The following IMMP2L variants were observed in gnomAD, a reference collection of about 807,000 sequenced individuals.
IMMP2L encodes the protein mitochondrial inner membrane protease subunit 2.
In IMMP2L, 18 loss-of-function variants were observed where a neutral mutation model predicts 19.3. That is an observed-to-expected ratio of 0.93 (90% CI 0.64 to 1.38). IMMP2L has a LOEUF of 1.38. Ranked by LOEUF, IMMP2L falls within the 40% of genes most tolerant of loss-of-function variation. The probability of loss-of-function intolerance (pLI) is 0.00; values close to 1 mark genes in which losing one functional copy is unlikely to be tolerated. For missense variants in IMMP2L, 233 were observed against 218.2 expected, an observed-to-expected ratio of 1.07 and a Z score of -0.43; for synonymous variants, 76 against 73.0, an observed-to-expected ratio of 1.04 and a Z score of -0.21.
At position 110,760,833 on chromosome 7, in the gene IMMP2L, A is replaced by G. The variant is rs1584747626; in HGVS notation, c.409-97112T>C. ...GTAGAACGCCAGATAGGATCATCAC[A>G]GTAGGCACCTCACAAAGGTCATGCA... On this transcript the variant is annotated intron_variant, in intron 5 of 5. Coordinates refer to ENST00000405709, the MANE Select transcript of IMMP2L (RefSeq NM_032549.4). The surrounding 1 kb of genome is among the most constrained non-coding windows in gnomAD (Gnocchi z 4.2). Among the ~76,000 whole-genome samples, 1 of 152,126 alleles carries G rather than the reference A, an allele frequency of 6.6e-6. No homozygotes were observed. The highest frequency in any genetic ancestry group is 1.9e-4 in the East Asian group (1 of 5,154).
At chr7:110,831,867 T>C (rs1803999089) in intron 5 of IMMP2L, among the ~76,000 whole-genome samples, 2 of 152,308 alleles carry the variant, frequency 1.3e-5, no homozygotes, top group South Asian at 4.1e-4. Flanking sequence ...AAACAAACAG[T>C]GCTCTCAGAC....
chr7:110,964,684 A>G (rs751632146), intron 3 of IMMP2L, among the ~76,000 whole-genome samples: 1 of 152,036 alleles, frequency 6.6e-6, no homozygotes, highest in Non-Finnish European at 1.5e-5. Context: ...TCAATAGTTT[A>G]TGGTAAAACT....
At chr7:111,089,353 G>C (rs753309852) in intron 3 of IMMP2L, among the ~76,000 whole-genome samples, 1 of 152,008 alleles carries the variant, frequency 6.6e-6, no homozygotes, top group Non-Finnish European at 1.5e-5. Context: ...CAATTATACA[G>C]TCAATACCAA....
intron 3 of IMMP2L, among the ~76,000 whole-genome samples, chr7:111,007,870 C>T (rs1186302268): frequency 6.6e-6 from 1 of 152,024 alleles, no homozygotes; most frequent in African/African-American, 2.4e-5. Context: ...AGCCTGATTC[C>T]CCGACTTTCT....
chr7:111,270,717 G>A (rs886360322), intron 3 of IMMP2L, among the ~76,000 whole-genome samples: 1 of 152,116 alleles, frequency 6.6e-6, no homozygotes, highest in Non-Finnish European at 1.5e-5. Flanking sequence ...AATAATTTAT[G>A]AACGGTACGT....
intron 5 of IMMP2L, among the ~76,000 whole-genome samples, chr7:110,670,294 C>A (rs1451743453): frequency 6.6e-6 from 1 of 152,174 alleles, no homozygotes; most frequent in Non-Finnish European, 1.5e-5. Context: ...TCTTGGACTT[C>A]TAGTTCCAGA....
chr7:110,694,849 C>CTATCTA (rs1174513345), intron 5 of IMMP2L, among the ~76,000 whole-genome samples: 6 of 152,018 alleles, frequency 3.9e-5, no homozygotes, highest in Non-Finnish European at 8.8e-5. Context: ...TGATATATAT[C>CTATCTA]TATCTATATC....
chr7:111,219,901 T>A (rs192173251), intron 3 of IMMP2L, among the ~76,000 whole-genome samples: 4 of 152,130 alleles, frequency 2.6e-5, no homozygotes, highest in African/African-American at 9.6e-5. Context: ...ATAGAATGAT[T>A]CAAGCAATGG....
chr7:111,085,890 A>G (rs1796279169), intron 3 of IMMP2L, among the ~76,000 whole-genome samples: 1 of 152,200 alleles, frequency 6.6e-6, no homozygotes, highest in South Asian at 2.1e-4. Context: ...GCAGGAACAG[A>G]AAACCAAATA....
At chr7:110,777,483 A>C (rs1394913966) in intron 5 of IMMP2L, among the ~76,000 whole-genome samples, 1 of 151,990 alleles carries the variant, frequency 6.6e-6, no homozygotes, top group Non-Finnish European at 1.5e-5. Flanking sequence ...TTGCTGTTCC[A>C]ATAAGACCCC....
At chr7:111,242,992 A>C (rs755852218) in intron 3 of IMMP2L, among the ~76,000 whole-genome samples, 1 of 152,134 alleles carries the variant, frequency 6.6e-6, no homozygotes, top group Non-Finnish European at 1.5e-5. Context: ...AGGAGATCTT[A>C]AAATATTTTT....
At chr7:110,961,289 A>G (rs1156892278) in intron 4 of IMMP2L, among the ~76,000 whole-genome samples, 1 of 151,906 alleles carries the variant, frequency 6.6e-6, no homozygotes, top group East Asian at 1.9e-4. Context: ...ACATAAAATG[A>G]TGTAGTATTT....
chr7:111,035,483 CAATA>C (rs1473547523), intron 3 of IMMP2L, among the ~76,000 whole-genome samples: 2 of 152,086 alleles, frequency 1.3e-5, no homozygotes, highest in Non-Finnish European at 2.9e-5. Flanking sequence ...AAGAATACTG[CAATA>C]AATAGTGATT....
intron 5 of IMMP2L, among the ~76,000 whole-genome samples, chr7:110,737,701 T>C (rs1457490872): frequency 1.3e-5 from 2 of 152,168 alleles, no homozygotes; most frequent in African/African-American, 4.8e-5. Flanking sequence ...GCATCCTCCA[T>C]ATAGGACCAC....
chr7:111,406,368 C>T (rs1833902087), intron 3 of IMMP2L, among the ~76,000 whole-genome samples: 1 of 152,088 alleles, frequency 6.6e-6, no homozygotes, highest in Admixed American at 6.6e-5. Context: ...CAAGTCACAA[C>T]CATTTTCACC....
At chr7:111,422,402 C>G (rs1835652957) in intron 3 of IMMP2L, among the ~76,000 whole-genome samples, 1 of 151,608 alleles carries the variant, frequency 6.6e-6, no homozygotes, top group Non-Finnish European at 1.5e-5. Context: ...TTTCATTGAG[C>G]AGTGGTTTGT....
At chr7:110,917,080 G>A (rs952786454) in intron 4 of IMMP2L, among the ~76,000 whole-genome samples, 2 of 152,120 alleles carry the variant, frequency 1.3e-5, no homozygotes, top group African/African-American at 4.8e-5. Flanking sequence ...TCAATGATTA[G>A]TATCCATGTG....
intron 2 of IMMP2L, among the ~76,000 whole-genome samples, chr7:111,492,169 A>T (rs1368039684): frequency 6.6e-6 from 1 of 151,848 alleles, no homozygotes; most frequent in African/African-American, 2.4e-5. Flanking sequence ...CTATGCCTAT[A>T]TTTTTGAGAT....
chr7:110,682,865 C>T (rs565512449), intron 5 of IMMP2L, among the ~76,000 whole-genome samples: 1 of 152,142 alleles, frequency 6.6e-6, no homozygotes, highest in African/African-American at 2.4e-5. Context: ...AGGGCAGATA[C>T]CTGGGGGAAC....
Sources: gnomAD v4.1 joint callset for allele counts (sites outside exome capture counted in the v4.1 genomes callset) on GRCh38, gnomAD v4.1.1 for gene constraint, Gnocchi (gnomAD v3.1) non-coding constraint, MANE v1.5 for transcripts, NCBI Gene and HGNC (gene_info 2026-07-23, HGNC 2026-07-21) for gene names.